Variants in SORCS1 observed in about 807,000 individuals in gnomAD.
The protein encoded by SORCS1 is sortilin related VPS10 domain containing receptor 1, also known as VPS10 domain-containing receptor SorCS1.
In SORCS1, 60 loss-of-function variants were observed where a neutral mutation model predicts 146.1. The ratio of observed to expected loss-of-function variants is 0.41; its 90% CI spans 0.33 to 0.51. The LOEUF (loss-of-function observed/expected upper bound fraction) is 0.51, where lower values mean the gene tolerates loss of function less well. Ranked by LOEUF, SORCS1 falls within the 20% of genes least tolerant of loss-of-function variation. The probability of loss-of-function intolerance (pLI) is 0.21; values close to 1 mark genes in which losing one functional copy is unlikely to be tolerated. For synonymous variants in SORCS1, 637 were observed against 584.0 expected (o/e 1.09, Z -1.31); for missense variants, 1,352 against 1,487.6 (o/e 0.91, Z 1.50).
At chr10:107,027,546 G>T (rs1027000750) in intron 1 of SORCS1, among the ~76,000 whole-genome samples, 1 of 152,180 alleles carries the variant, frequency 6.6e-6, no homozygotes, top group Non-Finnish European at 1.5e-5. Context: ...GGAACTTGCT[G>T]TGTGATAGGA....
intron 5 of SORCS1, among the ~76,000 whole-genome samples, chr10:106,761,062 G>A (rs188886880): frequency 1.4e-4 from 21 of 151,998 alleles, no homozygotes; most frequent in East Asian, 1.2e-3. Flanking sequence ...AGCTCAGACC[G>A]CACCACTGCA....
intron 18 of SORCS1, among the ~76,000 whole-genome samples, chr10:106,633,452 A>T (rs1378503022): frequency 6.6e-6 from 1 of 152,184 alleles, no homozygotes; most frequent in Non-Finnish European, 1.5e-5. Flanking sequence ...CACATTAACC[A>T]ATCTCTCCCT....
intron 1 of SORCS1, among the ~76,000 whole-genome samples, chr10:107,024,794 TCA>T (rs1408007585): frequency 6.6e-6 from 1 of 152,190 alleles, no homozygotes; most frequent in Non-Finnish European, 1.5e-5. Flanking sequence ...GGTAATTTTT[TCA>T]CAGAGTACAT....
intron 1 of SORCS1, among the ~76,000 whole-genome samples, chr10:107,007,492 T>A (rs1397673275): frequency 6.6e-6 from 1 of 152,204 alleles, no homozygotes; most frequent in Admixed American, 6.5e-5. Flanking sequence ...TTACCAGTCA[T>A]GTGGGTAAGC....
chr10:106,784,618 C>T (rs1262525071), intron 3 of SORCS1, among the ~76,000 whole-genome samples: 2 of 152,110 alleles, frequency 1.3e-5, no homozygotes, highest in African/African-American at 4.8e-5. Flanking sequence ...CTTAAATCCC[C>T]AAAGGTCTAT....
intron 1 of SORCS1, among the ~76,000 whole-genome samples, chr10:107,156,989 A>T (rs1969333675): frequency 6.6e-6 from 1 of 152,212 alleles, no homozygotes; most frequent in Admixed American, 6.5e-5. Context: ...GGTTTAAACA[A>T]TGCCAAGAGC....
intron 17 of SORCS1, among the ~76,000 whole-genome samples, chr10:106,660,148 C>G (rs949222523): frequency 1.3e-5 from 2 of 152,166 alleles, no homozygotes; most frequent in Non-Finnish European, 2.9e-5. Context: ...GCAACCAAAA[C>G]AGAATCACCT....
chr10:106,986,575 C>T (rs1358362630), intron 1 of SORCS1, among the ~76,000 whole-genome samples: 1 of 149,700 alleles, frequency 6.7e-6, no homozygotes, highest in Non-Finnish European at 1.5e-5. Context: ...TTTTTTATAC[C>T]CCATCTCTCT....
chr10:106,592,733 T>C lies in SORCS1; in HGVS notation c.3265+4618A>G, dbSNP rs902303787. Among the ~76,000 whole-genome samples the C allele has an allele frequency of 3.3e-5, 5 of 151,932 alleles. No homozygotes were observed. The South Asian group carries it at 8.4e-4, about 25-fold the overall frequency. On this transcript the variant is annotated intron_variant, in intron 24 of 25. Transcript: ENST00000263054. ...GGGGATGAGAGAAAGAGAAATAGAG[T>C]TGATGTGGAAGTTCTACATCTAATA...
intron 1 of SORCS1, among the ~76,000 whole-genome samples, chr10:107,065,441 T>TTCTTTCTTTCTTTCTTTTCTC: frequency 1.3e-5 from 2 of 148,552 alleles, no homozygotes; most frequent in African/African-American, 5.0e-5. Context: ...CTTTCTTTCT[T>TTCTTTCTTTCTTTCTTTTCTC]TCTTTCTTTT....
chr10:107,110,504 G>T (rs914811293), intron 1 of SORCS1, among the ~76,000 whole-genome samples: 1 of 151,886 alleles, frequency 6.6e-6, no homozygotes, highest in Non-Finnish European at 1.5e-5. Context: ...AGAGAGTTGG[G>T]GAGGAGGGGC....
At chr10:106,710,820 A>G (rs920069199) in intron 6 of SORCS1, among the ~76,000 whole-genome samples, 2 of 151,946 alleles carry the variant, frequency 1.3e-5, no homozygotes, top group Admixed American at 1.3e-4. Flanking sequence ...ACCCTACTTT[A>G]TGTTCAGGAA....
chr10:106,975,737 T>A (rs1955963549), intron 1 of SORCS1, among the ~76,000 whole-genome samples: 1 of 152,208 alleles, frequency 6.6e-6, no homozygotes, highest in African/African-American at 2.4e-5. Context: ...TCTGGTTGTG[T>A]CTGCTGCCAC....
chr10:106,904,869 T>A (rs1359810985), intron 2 of SORCS1, among the ~76,000 whole-genome samples: 1 of 152,086 alleles, frequency 6.6e-6, no homozygotes. Flanking sequence ...ATTAAACACA[T>A]CTTAAATAAA....
intron 1 of SORCS1, among the ~76,000 whole-genome samples, chr10:107,022,484 C>A (rs1222509998): frequency 6.6e-6 from 1 of 152,080 alleles, no homozygotes; most frequent in Non-Finnish European, 1.5e-5. Flanking sequence ...GTCCCATATG[C>A]TTGGCATAAG....
intron 1 of SORCS1, among the ~76,000 whole-genome samples, chr10:106,982,170 A>C (rs1364621025): frequency 6.6e-6 from 1 of 152,196 alleles, no homozygotes; most frequent in Non-Finnish European, 1.5e-5. Flanking sequence ...TAGATCCTTT[A>C]ACCACAAGAT....
intron 2 of SORCS1, among the ~76,000 whole-genome samples, chr10:106,840,868 T>G (rs1032455648): frequency 4.9e-5 from 7 of 142,722 alleles, no homozygotes; most frequent in Non-Finnish European, 7.8e-5. Flanking sequence ...TATATATTTT[T>G]TTTTTTTGGA....
intron 1 of SORCS1, among the ~76,000 whole-genome samples, chr10:107,007,796 T>C (rs766747674): frequency 1.3e-5 from 2 of 152,024 alleles, no homozygotes; most frequent in Non-Finnish European, 2.9e-5. Flanking sequence ...CCACATCCCA[T>C]TGAATACCAT....
intron 1 of SORCS1, among the ~76,000 whole-genome samples, chr10:107,037,875 G>C (rs1255102963): frequency 6.6e-6 from 1 of 152,192 alleles, no homozygotes; most frequent in Non-Finnish European, 1.5e-5. Context: ...TGCCAAGGCT[G>C]GAGTGTAGTG....
Sources: gnomAD v4.1 joint callset for allele counts (sites outside exome capture counted in the v4.1 genomes callset) on GRCh38, gnomAD v4.1.1 for gene constraint, MANE v1.5 for transcripts, NCBI Gene and HGNC (gene_info 2026-07-23, HGNC 2026-07-21) for gene names.